The following FAM187B variants were observed in gnomAD, a reference collection of about 807,000 sequenced individuals.
FAM187B encodes protein FAM187B.
In FAM187B, 22 loss-of-function variants were observed where a neutral mutation model predicts 22.6. The observed-to-expected ratio is 0.97, with a 90% confidence interval of 0.70 to 1.39. The LOEUF (loss-of-function observed/expected upper bound fraction) is 1.39. Ranked by LOEUF, FAM187B falls within the 40% of genes most tolerant of loss-of-function variation. The pLI, the probability that FAM187B is intolerant of heterozygous loss-of-function variation, is 0.00. For synonymous variants in FAM187B, 192 were observed against 201.8 expected, an observed-to-expected ratio of 0.95 and a Z score of 0.41; for missense variants, 433 against 462.1, an observed-to-expected ratio of 0.94 and a Z score of 0.58.
Position 35,224,800 on chromosome 19 carries a change from T to C in FAM187B, c.*25A>G. On this transcript the variant is annotated 3_prime_UTR_variant, in exon 2 of 2. Coordinates refer to ENST00000324675, the MANE Select transcript of FAM187B (RefSeq NM_152481.2). ...GGCTAAGAGAGAACCGGAGGCCGGG[T>C]CCGCTTGTGCACCGGGGGCTCGCTT... The C allele has an allele frequency of 6.3e-7, 1 of 1,577,114 alleles. No individual in the cohort carries two copies. The highest frequency in any genetic ancestry group is 8.6e-7 in the Non-Finnish European group (1 of 1,159,752).
At position 35,225,016 on chromosome 19, in the gene FAM187B, C is replaced by G; in HGVS notation, c.919G>C (p.Ala307Pro). 6.2e-7 allele frequency: 1 copy of G among 1,613,796 alleles called. No homozygotes were observed. The highest frequency in any genetic ancestry group is 8.5e-7 in the Non-Finnish European group (1 of 1,179,872). Residue 307 changes from alanine to proline, a missense_variant, in exon 2 of 2, where the codon GCT becomes CCT. Coordinates refer to ENST00000324675, the MANE Select transcript of FAM187B (RefSeq NM_152481.2). ...TGGGCATCGTTCTCTCTCCACTGAG[C>G]CTCCAGCGTCTCCAGACTGGCGGCG... ...KPAASLETLE[A>P]QWRENDAQWR...
In FAM187B at chr19:35,225,216, C is replaced by T. The variant is rs752859643; in HGVS notation, c.723-4G>A. The T allele has an allele frequency of 6.1e-6, 9 of 1,484,232 alleles. No homozygotes were observed. Among genetic ancestry groups the T allele is most frequent in the Non-Finnish European group, 7.2e-6 (8 of 1,116,204 alleles). 91.9% of individuals were successfully genotyped at this position (1,484,232 alleles called of 1,614,324 possible). ...GTTGGCACGCCAGTTGACGGGCCTG[C>T]GAGGAGGACAAGGTCAGGTGCAGGG... On this transcript the variant is annotated splice_region_variant and splice_polypyrimidine_tract_variant and intron_variant, in intron 1 of 1. Transcript: ENST00000324675.
At position 35,228,182 on chromosome 19, in the gene FAM187B, A is replaced by G. The variant is rs755954586; in HGVS notation, c.499T>C (p.Tyr167His). Residue 167 changes from tyrosine (Y) to histidine (H), a missense_variant, in exon 1 of 2, where the codon TAC becomes CAC. Tyr to His is a moderately conservative substitution (Grantham distance 83). Coordinates refer to ENST00000324675, the MANE Select transcript of FAM187B (RefSeq NM_152481.2). ...GCTTCCTCCAGAGGCTCCTCAATGT[A>G]GCGGTACCCCAGGCGTTTACACTCG... is the stretch of plus-strand genomic sequence containing the variant. ...PGECKRLGYR[Y>H]IEEPLEEAMP... is the part of the protein sequence containing the mutation. 1.2e-6 allele frequency: 2 copies of G among 1,614,064 alleles called. No individual in the cohort carries two copies. The highest frequency in any genetic ancestry group is 2.2e-5 in the East Asian group (1 of 44,880).
intron 1 of FAM187B, among the ~76,000 whole-genome samples, chr19:35,225,923 C>T (rs2145467008): frequency 6.6e-6 from 1 of 152,294 alleles, no homozygotes; most frequent in Non-Finnish European, 1.5e-5. Context: ...CTGCCTTTGC[C>T]TGTCTGGTCT....
chr19:35,228,234 C>A lies in FAM187B; in HGVS notation c.447G>T (p.Gln149His), dbSNP rs370987415. The change falls in exon 1 of 2, where the codon CAG (glutamine) becomes CAT (histidine). Residue 149 changes from glutamine (Q) to histidine (H), a missense_variant. Gln to His is a conservative substitution (Grantham distance 24). Coordinates refer to ENST00000324675, the MANE Select transcript of FAM187B (RefSeq NM_152481.2). ...QLIFTWWEPW[Q>H]DCNRCEEPGE... Reference sequence around the variant, plus strand: ...CCGGCTCCTCACAGCGGTTGCAGTCCTGCCAGGGCTCCCACCAGGTAAAAA... The same window carrying A: ...CCGGCTCCTCACAGCGGTTGCAGTCATGCCAGGGCTCCCACCAGGTAAAAA... 18 of 1,614,200 alleles carry A rather than the reference C, an allele frequency of 1.1e-5. No individual in the cohort carries two copies. The African/African-American group carries it at 2.4e-4, about 22-fold the overall frequency.
chr19:35,226,255 G>A (rs377239573), intron 1 of FAM187B, among the ~76,000 whole-genome samples: 3 of 152,160 alleles, frequency 2.0e-5, no homozygotes, highest in Admixed American at 2.0e-4. Context: ...CTTGAGCCCA[G>A]GAGTTTGGGC....
intron 1 of FAM187B, among the ~76,000 whole-genome samples, chr19:35,226,103 C>G (rs999767100): frequency 6.6e-6 from 1 of 152,184 alleles, no homozygotes; most frequent in Non-Finnish European, 1.5e-5. Flanking sequence ...GGAGCCTTCC[C>G]TGACCCCACC....
rs181723333 is a variant in FAM187B, at chr19:35,227,288, C to T, written c.722+671G>A. Among the ~76,000 whole-genome samples, 594 of 151,742 alleles carry T rather than the reference C, an allele frequency of 3.9e-3. 2 individuals are homozygous for T. The highest frequency in any genetic ancestry group is 5.2e-3 in the Non-Finnish European group (355 of 67,912). On this transcript the variant is annotated intron_variant, in intron 1 of 1. Coordinates refer to ENST00000324675, the MANE Select transcript of FAM187B (RefSeq NM_152481.2). ...AGGCTGGAGTGCAGTGGTGTGATCT[C>T]GGCTCACTGCAACCTCCGCCTCCCG...
At chr19:35,226,827 C>T (rs2065663065) in intron 1 of FAM187B, among the ~76,000 whole-genome samples, 1 of 152,182 alleles carries the variant, frequency 6.6e-6, no homozygotes, top group South Asian at 2.1e-4. Context: ...TAGACAGTGG[C>T]CCCCGCAAAA....
rs1055313605 is a variant in FAM187B at position 35,225,145 on chromosome 19, T to C, written c.790A>G (p.Thr264Ala). ...WESQLSGQDF[T>A]TFLDPSTGGR... is the part of the protein sequence containing the mutation. Reference sequence around the variant, plus strand: ...CCGGTGGAGGGGTCCAGAAAGGTGGTGAAGTCCTGGCCGGAGAGCTGGCTC... The same window carrying C: ...CCGGTGGAGGGGTCCAGAAAGGTGGCGAAGTCCTGGCCGGAGAGCTGGCTC... Residue 264 changes from threonine (T) to alanine (A), a missense_variant, in exon 2 of 2, where the codon ACC becomes GCC. By Grantham distance (58) the Thr-to-Ala change is moderately conservative. Transcript: ENST00000324675. 1 of 1,582,402 alleles carries C rather than the reference T, an allele frequency of 6.3e-7. No individual in the cohort carries two copies. Among genetic ancestry groups the C allele is most frequent in the Admixed American group, 1.8e-5 (1 of 55,740 alleles).
chr19:35,226,886 A>G (rs2065663253), intron 1 of FAM187B, among the ~76,000 whole-genome samples: 1 of 152,168 alleles, frequency 6.6e-6, no homozygotes, highest in African/African-American at 2.4e-5. Flanking sequence ...TGGAAATTGG[A>G]TCATTGCAGA....
rs1599577042 is a variant in FAM187B, at chr19:35,228,732, T to G, written c.-52A>C. The G allele has an allele frequency of 6.4e-7, 1 of 1,551,674 alleles. No individual in the cohort carries two copies. The highest frequency in any genetic ancestry group is 8.7e-7 in the Non-Finnish European group (1 of 1,154,464). On this transcript the variant is annotated 5_prime_UTR_variant, in exon 1 of 2. Coordinates refer to ENST00000324675, the MANE Select transcript of FAM187B (RefSeq NM_152481.2). ...TGGTGCCACCCCGAACATTGTGAGG[T>G]CACCCATGAACTCTGGCCTCAGCCC...
chr19:35,225,892 C>T (rs2065660273), intron 1 of FAM187B, among the ~76,000 whole-genome samples: 1 of 152,184 alleles, frequency 6.6e-6, no homozygotes, highest in South Asian at 2.1e-4. Context: ...AGCAAGGGCA[C>T]TCCTTAAATG....
chr19:35,225,807 T>TC (rs1332017421), intron 1 of FAM187B, among the ~76,000 whole-genome samples: 2 of 151,850 alleles, frequency 1.3e-5, no homozygotes, highest in Non-Finnish European at 2.9e-5. Context: ...CAAGACCCTG[T>TC]CCCAAAAAAG....
Position 35,224,929 on chromosome 19 carries a change from G to C in FAM187B, c.1006C>G (p.Leu336Val), listed in dbSNP as rs367969193. The stretch of plus-strand genomic sequence containing the variant: ...AGGACGGTGACCACGAGCAGCACCA[G>C]CTTCAGCCCCTTGAGCACGGAGTCC... Reference protein sequence around the residue: ...RADSVLKGLKLVLLVVTVLAL... With the variant: ...RADSVLKGLKVVLLVVTVLAL... The change falls in exon 2 of 2, where the codon CTG (leucine) becomes GTG (valine). Residue 336 changes from leucine (L) to valine (V), a missense_variant. Physicochemically the swap from Leu to Val is conservative, Grantham distance 32 (BLOSUM62 1). Coordinates refer to ENST00000324675, the MANE Select transcript of FAM187B (RefSeq NM_152481.2). 35 of 1,613,722 alleles carry C rather than the reference G, an allele frequency of 2.2e-5. No individual in the cohort carries two copies. The Admixed American group carries it at 3.2e-4, about 15-fold the overall frequency.
At chr19:35,226,170 CA>C (rs1476209158) in intron 1 of FAM187B, among the ~76,000 whole-genome samples, 1 of 152,026 alleles carries the variant, frequency 6.6e-6, no homozygotes. Context: ...CGTCACCATC[CA>C]AAATACTATA....
At position 35,228,452 on chromosome 19, in the gene FAM187B, C is replaced by T. The variant is rs762057149; in HGVS notation, c.229G>A (p.Glu77Lys). 33 of 1,614,034 alleles carry T rather than the reference C, an allele frequency of 2.0e-5. No homozygotes were observed. The highest frequency in any genetic ancestry group is 2.0e-4 in the Admixed American group (12 of 60,000). The change falls in exon 1 of 2, where the codon GAG becomes AAG. Residue 77 changes from glutamate (E) to lysine (K), a missense_variant. Physicochemically the swap from Glu to Lys is moderately conservative, Grantham distance 56. Transcript: ENST00000324675. ...TNISNMEIMP[E>K]GSLLIKDPLP... ...GGATCTTTAATGAGAAGGCTGCCCT[C>T]GGGCATTATTTCCATATTGGAAATA... is the stretch of plus-strand genomic sequence containing the variant.
intron 1 of FAM187B, 79 bp from the exon 2 acceptor site, chr19:35,225,291 C>A: frequency 2.1e-6 from 3 of 1,419,382 alleles, no homozygotes; most frequent in Non-Finnish European, 2.8e-6. Flanking sequence ...GAAAATAAAG[C>A]ACCGCCCAGT....
rs1206769701 is a variant in FAM187B, at chr19:35,226,590, TG to T, written c.722+1368del. ...TGGAGCTTGGCATATAAATATGCAG[TG>T]AACACGTGTTTAGTGGAGAAATGAA... is the stretch of plus-strand genomic sequence containing the variant. On this transcript the variant is annotated intron_variant, in intron 1 of 1. Coordinates refer to ENST00000324675, the MANE Select transcript of FAM187B (RefSeq NM_152481.2). 2.0e-5 allele frequency among the ~76,000 whole-genome samples: 3 copies of T among 152,342 alleles called. No homozygotes were observed. In the South Asian group the frequency reaches 6.2e-4, roughly 32 times the overall value.
Sources: allele counts gnomAD v4.1 joint callset (sites outside exome capture counted in the v4.1 genomes callset), GRCh38; gene constraint gnomAD v4.1.1; transcripts MANE v1.5; gene names NCBI Gene and HGNC (gene_info 2026-07-23, HGNC 2026-07-21).